The following NKAIN3 variants were observed in gnomAD, a reference collection of about 807,000 sequenced individuals.
NKAIN3 encodes sodium/potassium-transporting ATPase subunit beta-1-interacting protein 3.
In NKAIN3, 25 loss-of-function variants were observed where a neutral mutation model predicts 30.2. The ratio of observed to expected loss-of-function variants is 0.83; its 90% CI spans 0.60 to 1.16. The LOEUF (loss-of-function observed/expected upper bound fraction) is 1.16, where lower values mean the gene tolerates loss of function less well. Ranked by LOEUF, NKAIN3 falls within the 50% of genes most tolerant of loss-of-function variation. The pLI is 0.00. For synonymous variants in NKAIN3, 91 were observed against 89.6 expected (o/e 1.02, Z -0.09); for missense variants, 225 against 254.1 (o/e 0.89, Z 0.78).
chr8:62,322,338 C>T (rs577304273), intron 1 of NKAIN3, among the ~76,000 whole-genome samples: 97 of 152,242 alleles, frequency 6.4e-4, no homozygotes, highest in Non-Finnish European at 1.4e-3. Flanking sequence ...CACTGTCCTG[C>T]ACCCACTTTC....
chr8:62,265,111 G>T (rs899463124), intron 1 of NKAIN3, among the ~76,000 whole-genome samples: 2 of 152,100 alleles, frequency 1.3e-5, no homozygotes, highest in African/African-American at 4.8e-5. Flanking sequence ...AAGGAGTTTG[G>T]CATTAATTTT....
chr8:62,814,582 C>T (rs1396962481), intron 4 of NKAIN3, among the ~76,000 whole-genome samples: 1 of 152,044 alleles, frequency 6.6e-6, no homozygotes, highest in Admixed American at 6.6e-5. Context: ...GAAACTCACT[C>T]AAAACCACTC....
intron 3 of NKAIN3, among the ~76,000 whole-genome samples, chr8:62,606,009 C>A (rs1811114280): frequency 6.6e-6 from 1 of 152,234 alleles, no homozygotes; most frequent in East Asian, 1.9e-4. Context: ...AAATAACATG[C>A]TGATCTTCAC....
At chr8:62,955,863 C>A (rs957588977) in intron 6 of NKAIN3, among the ~76,000 whole-genome samples, 1 of 152,214 alleles carries the variant, frequency 6.6e-6, no homozygotes, top group African/African-American at 2.4e-5. Flanking sequence ...TTTCTCAGCA[C>A]CCCTGTTCAC....
chr8:62,893,980 G>T (rs1386272270), intron 4 of NKAIN3, among the ~76,000 whole-genome samples: 2 of 152,074 alleles, frequency 1.3e-5, no homozygotes, highest in African/African-American at 2.4e-5. Context: ...CCAGGATACC[G>T]GACATAAAAT....
chr8:62,462,667 T>G (rs1361717335), intron 1 of NKAIN3, among the ~76,000 whole-genome samples: 1 of 152,154 alleles, frequency 6.6e-6, no homozygotes, highest in Non-Finnish European at 1.5e-5. Context: ...CAACTTGGAC[T>G]AGGAGACATA....
At chr8:62,574,914 A>G (rs945026068) in intron 1 of NKAIN3, among the ~76,000 whole-genome samples, 3 of 152,118 alleles carry the variant, frequency 2.0e-5, no homozygotes, top group African/African-American at 7.2e-5. Flanking sequence ...GATAAAATTC[A>G]ACATCCCTTC....
chr8:62,806,113 C>G (rs1159021299), intron 4 of NKAIN3, among the ~76,000 whole-genome samples: 4 of 152,216 alleles, frequency 2.6e-5, no homozygotes, highest in Admixed American at 2.0e-4. Flanking sequence ...GATATCATCT[C>G]ACACCAGTTA....
chr8:62,877,843 C>T lies in NKAIN3; in HGVS notation c.472-40610C>T, dbSNP rs548987432. Among the ~76,000 whole-genome samples, 29 of 152,124 alleles carry T rather than the reference C, an allele frequency of 1.9e-4. 1 individual carries two copies. The highest frequency in any genetic ancestry group is 1.9e-3 in the South Asian group (9 of 4,822). On this transcript the variant is annotated intron_variant, in intron 4 of 6. Coordinates refer to ENST00000623646, the MANE Select transcript of NKAIN3 (RefSeq NM_001304533.3). ...ATCACCTGAGGTTCGGAGTTCAAGA[C>T]CAGCCTGACCAACATGAAGAAACCC...
intron 4 of NKAIN3, among the ~76,000 whole-genome samples, chr8:62,898,525 A>G (rs1358639153): frequency 1.3e-5 from 2 of 152,178 alleles, no homozygotes; most frequent in Non-Finnish European, 2.9e-5. Flanking sequence ...ACGAAGGGAT[A>G]CAGAGTGGTA....
intron 3 of NKAIN3, among the ~76,000 whole-genome samples, chr8:62,667,256 C>A (rs1813136288): frequency 1.3e-5 from 2 of 148,574 alleles, no homozygotes; most frequent in Non-Finnish European, 1.5e-5. Flanking sequence ...ATGTAACAAA[C>A]CTGCACATTG....
chr8:62,297,999 A>C (rs2129587690), intron 1 of NKAIN3, among the ~76,000 whole-genome samples: 1 of 152,288 alleles, frequency 6.6e-6, no homozygotes, highest in East Asian at 1.9e-4. Context: ...AGCCATAAAA[A>C]ATGATGAGTT....
intron 4 of NKAIN3, among the ~76,000 whole-genome samples, chr8:62,843,644 A>T (rs1819593906): frequency 6.6e-6 from 1 of 152,206 alleles, no homozygotes. Context: ...CCCTGCTGAC[A>T]TCTTGATTTT....
chr8:62,572,063 T>C (rs759932543), intron 1 of NKAIN3, among the ~76,000 whole-genome samples: 24 of 152,134 alleles, frequency 1.6e-4, no homozygotes, highest in Non-Finnish European at 2.9e-4. Context: ...AAAATGGGAT[T>C]TTCTTTTCTA....
chr8:62,595,387 T>C (rs1218045095), intron 3 of NKAIN3, among the ~76,000 whole-genome samples: 4 of 117,294 alleles, frequency 3.4e-5, no homozygotes, highest in African/African-American at 5.4e-5. Context: ...ATTTTCTTTT[T>C]TTTTTTTTTT....
chr8:62,763,269 AGT>A (rs1416250194), intron 4 of NKAIN3, among the ~76,000 whole-genome samples: 4 of 139,320 alleles, frequency 2.9e-5, no homozygotes, highest in Non-Finnish European at 6.3e-5. Context: ...AAACTTATAT[AGT>A]CAGCCTAAAA....
chr8:62,413,131 A>G (rs1014181907), intron 1 of NKAIN3, among the ~76,000 whole-genome samples: 2 of 152,166 alleles, frequency 1.3e-5, no homozygotes, highest in Non-Finnish European at 2.9e-5. Context: ...TATCATTAAA[A>G]AGTCAAAACC....
At chr8:62,605,073 G>A (rs1226983809) in intron 3 of NKAIN3, among the ~76,000 whole-genome samples, 5 of 152,084 alleles carry the variant, frequency 3.3e-5, no homozygotes, top group African/African-American at 1.2e-4. Context: ...AGGAACTTCT[G>A]GAAGGGCTGC....
chr8:62,846,506 A>T (rs1234014251), intron 4 of NKAIN3, among the ~76,000 whole-genome samples: 1 of 151,944 alleles, frequency 6.6e-6, no homozygotes, highest in Non-Finnish European at 1.5e-5. Context: ...AACAGGTCCC[A>T]TGTATGTTAT....
Sources: gnomAD v4.1 joint callset for allele counts (sites outside exome capture counted in the v4.1 genomes callset) on GRCh38, gnomAD v4.1.1 for gene constraint, MANE v1.5 for transcripts, NCBI Gene and HGNC (gene_info 2026-07-23, HGNC 2026-07-21) for gene names.